SNX16: variants seen among roughly 807,000 people sequenced by gnomAD.
The protein encoded by SNX16 is sorting nexin-16.
In SNX16, 35 loss-of-function variants were observed where a neutral mutation model predicts 36.7. The ratio of observed to expected loss-of-function variants is 0.95; its 90% confidence interval spans 0.73 to 1.27. SNX16 has a LOEUF of 1.27. Ranked by LOEUF, SNX16 falls within the 50% of genes most tolerant of loss-of-function variation. SNX16 has a pLI of 0.00. For synonymous variants in SNX16, 134 were observed against 132.0 expected, an observed-to-expected ratio of 1.02 and a Z score of -0.10; for missense variants, 367 against 393.6, an observed-to-expected ratio of 0.93 and a Z score of 0.57.
At chr8:81,830,911 T>C (rs1468095991) in intron 2 of SNX16, among the ~76,000 whole-genome samples, 1 of 152,022 alleles carries the variant, frequency 6.6e-6, no homozygotes. Flanking sequence ...CTGGTACAAA[T>C]ACAGACATAT....
At position 81,839,698 on chromosome 8, in the gene SNX16, T is replaced by G; in HGVS notation, c.289A>C (p.Asn97His). 2 of 1,613,944 alleles carry G rather than the reference T, an allele frequency of 1.2e-6. No homozygotes were observed. The highest frequency in any genetic ancestry group is 1.7e-6 in the Non-Finnish European group (2 of 1,179,864). ...TCTTCCCAATTCACTGTTTCCGGATTTTGTTCTTCAGTGTCTCTTGGTCTA... is the reference window on the plus strand; with the variant it reads ...TCTTCCCAATTCACTGTTTCCGGATGTTGTTCTTCAGTGTCTCTTGGTCTA... Reference protein sequence around the residue: ...STRPRDTEEQNPETVNWEDRP... With the variant: ...STRPRDTEEQHPETVNWEDRP... Residue 97 changes from asparagine to histidine, a missense_variant, in exon 2 of 8, where the codon AAT becomes CAT. Asn to His is a moderately conservative substitution (Grantham distance 68). Transcript: ENST00000345957.
chr8:81,838,574 GAAAA>G (rs534067391), intron 2 of SNX16, among the ~76,000 whole-genome samples: 4 of 108,804 alleles, frequency 3.7e-5, no homozygotes, highest in Non-Finnish European at 5.9e-5. Flanking sequence ...GTCCCATCTG[GAAAA>G]AAAAAAAAAA....
intron 5 of SNX16, among the ~76,000 whole-genome samples, chr8:81,813,820 A>G (rs1468242568): frequency 6.6e-6 from 1 of 152,022 alleles, no homozygotes; most frequent in Non-Finnish European, 1.5e-5. Context: ...ATGTGGCATG[A>G]TATCAATATC....
intron 2 of SNX16, among the ~76,000 whole-genome samples, chr8:81,831,943 A>T (rs1811290686): frequency 6.6e-6 from 1 of 152,172 alleles, no homozygotes; most frequent in Non-Finnish European, 1.5e-5. Flanking sequence ...GAGAAAAGAG[A>T]GCACTTATAT....
At chr8:81,838,291 C>T (rs1257105684) in intron 2 of SNX16, among the ~76,000 whole-genome samples, 1 of 152,018 alleles carries the variant, frequency 6.6e-6, no homozygotes, top group Non-Finnish European at 1.5e-5. Flanking sequence ...TCAGTTCTCC[C>T]CAGATTAATC....
At chr8:81,823,141 G>C (rs1248519627) in intron 4 of SNX16, among the ~76,000 whole-genome samples, 5 of 151,332 alleles carry the variant, frequency 3.3e-5, no homozygotes, top group African/African-American at 1.2e-4. Flanking sequence ...GACAGTTACA[G>C]GCCCAAGTTA....
intron 4 of SNX16, among the ~76,000 whole-genome samples, chr8:81,816,695 T>A (rs563983530): frequency 4.6e-5 from 7 of 152,302 alleles, no homozygotes; most frequent in African/African-American, 1.7e-4. Flanking sequence ...TCAGGTAAGA[T>A]TAGGATAAGT....
chr8:81,819,449 T>G, intron 4 of SNX16, among the ~76,000 whole-genome samples: 1 of 152,118 alleles, frequency 6.6e-6, no homozygotes, highest in Non-Finnish European at 1.5e-5. Context: ...AAAGTCCTTC[T>G]TCATCTTTCC....
In SNX16 at chr8:81,839,941, C is replaced by T. The variant is rs756103076; in HGVS notation, c.46G>A (p.Ala16Thr). ...VPVPMPIGNS[A>T]SSFTTNRNQR... ...TTTCTGTTTGTTGTAAAACTGGAAG[C>T]AGAGTTTCCTATGGGCATAGGAACT... is the stretch of plus-strand genomic sequence containing the variant. Residue 16 changes from alanine (A) to threonine (T), a missense_variant, in exon 2 of 8, where the codon GCT becomes ACT. Coordinates refer to ENST00000345957, the MANE Select transcript of SNX16 (RefSeq NM_152836.3). 61 of 1,613,732 alleles carry T rather than the reference C, an allele frequency of 3.8e-5. No individual in the cohort carries two copies. Among genetic ancestry groups the T allele is most frequent in the Non-Finnish European group, 5.0e-5 (59 of 1,179,890 alleles).
chr8:81,840,245 TAGAG>T (rs1370484615), intron 1 of SNX16, 163 bp from the exon 2 acceptor site: 11 of 332,886 alleles, frequency 3.3e-5, no homozygotes, highest in Admixed American at 8.8e-5. Context: ...ATTTGCAAGA[TAGAG>T]AGAGCAAAAC....
chr8:81,811,563 T>TA (rs1477030756), intron 5 of SNX16, among the ~76,000 whole-genome samples: 1 of 151,882 alleles, frequency 6.6e-6, no homozygotes, highest in Non-Finnish European at 1.5e-5. Flanking sequence ...AAGCCAGGCT[T>TA]AAAAATAAAA....
chr8:81,837,070 T>C (rs371860161), intron 2 of SNX16, among the ~76,000 whole-genome samples: 2 of 152,340 alleles, frequency 1.3e-5, no homozygotes, highest in East Asian at 3.9e-4. Flanking sequence ...CCATGACTGA[T>C]AGTGCTATTT....
At chr8:81,828,645 A>T (rs1159750655) in intron 3 of SNX16, among the ~76,000 whole-genome samples, 1 of 152,208 alleles carries the variant, frequency 6.6e-6, no homozygotes, top group African/African-American at 2.4e-5. Flanking sequence ...GCTGTAATTA[A>T]GGTTACTAAT....
intron 3 of SNX16, among the ~76,000 whole-genome samples, chr8:81,825,999 C>A (rs1009471855): frequency 6.6e-6 from 1 of 150,788 alleles, no homozygotes. Flanking sequence ...TTATAAAAAC[C>A]ATTTACAATT....
intron 1 of SNX16, 29 bp from the exon 2 acceptor site, chr8:81,840,111 T>C (rs956963779): frequency 2.6e-6 from 3 of 1,158,746 alleles, no homozygotes; most frequent in Non-Finnish European, 2.4e-6. Flanking sequence ...TATTAAAAGG[T>C]TAGTCTTTAA....
At chr8:81,820,232 T>C (rs1585998657) in intron 4 of SNX16, among the ~76,000 whole-genome samples, 1 of 54,844 alleles carries the variant, frequency 1.8e-5, no homozygotes, top group African/African-American at 9.6e-5. Flanking sequence ...TTAGGAGGGA[T>C]TTCCCCCCCT....
chr8:81,810,619 C>A (rs1177675881), intron 5 of SNX16, among the ~76,000 whole-genome samples: 2 of 152,114 alleles, frequency 1.3e-5, no homozygotes, highest in Non-Finnish European at 2.9e-5. Context: ...GAGATACATT[C>A]CATATTACTC....
At chr8:81,835,416 C>T (rs1811451692) in intron 2 of SNX16, among the ~76,000 whole-genome samples, 2 of 152,198 alleles carry the variant, frequency 1.3e-5, no homozygotes, top group South Asian at 4.1e-4. Flanking sequence ...TTTCTACAGC[C>T]AGCTTGAATT....
intron 3 of SNX16, among the ~76,000 whole-genome samples, chr8:81,824,519 C>CT (rs199983488): frequency 0.011 from 1,737 of 151,244 alleles, 35 homozygotes; most frequent in African/African-American, 0.04. Flanking sequence ...ATGGTTTATG[C>CT]TTTTTTTTAG....
Sources: gnomAD v4.1 joint callset for allele counts (sites outside exome capture counted in the v4.1 genomes callset) on GRCh38, gnomAD v4.1.1 for gene constraint, MANE v1.5 for transcripts, NCBI Gene and HGNC (gene_info 2026-07-23, HGNC 2026-07-21) for gene names.